BRD4: variants seen among roughly 807,000 people sequenced by gnomAD.
BRD4 encodes the protein bromodomain-containing protein 4.
Under a neutral mutation model 142.1 loss-of-function variants are expected in BRD4, and 16 were observed. The observed-to-expected ratio is 0.11, with a 90% CI of 0.08 to 0.17. BRD4 has a LOEUF of 0.17. BRD4 is among the 10% of genes least tolerant of loss of function. The probability of loss-of-function intolerance (pLI) is 1.00; values close to 1 mark genes in which losing one functional copy is unlikely to be tolerated. For missense variants in BRD4, 1,424 were observed against 1,810.9 expected, an observed-to-expected ratio of 0.79 and a Z score of 3.88; for synonymous variants, 833 against 707.5, an observed-to-expected ratio of 1.18 and a Z score of -2.82.
chr19:15,255,207 G>GGA (rs2047394569), intron 10 of BRD4, 90 bp downstream of exon 10: 1 of 1,281,216 alleles, frequency 7.8e-7, no homozygotes, highest in Middle Eastern at 2.4e-4. Flanking sequence ...AAAGGGGGGG[G>GGA]GCGCAGAAAG....
Position 15,239,457 on chromosome 19 carries a change from G to A in BRD4, c.3511C>T (p.Pro1171Ser). The A allele has an allele frequency of 6.2e-7, 1 of 1,614,158 alleles. No individual in the cohort carries two copies. Among genetic ancestry groups the A allele is most frequent in the Non-Finnish European group, 8.5e-7 (1 of 1,180,044 alleles). The change falls in exon 17 of 20, where the codon CCA (proline) becomes TCA (serine). Residue 1171 changes from proline to serine, a missense_variant. Pro to Ser is a moderately conservative substitution (Grantham distance 74). Around this residue, in one of 16 missense-constraint regions of BRD4, gnomAD observed 598 missense variants for 647.8 expected, o/e 0.92. Transcript: ENST00000679869. The surrounding 1 kb of genome is among the most constrained non-coding windows in gnomAD (Gnocchi z 7.4). ...VIRPPEQNAP[P>S]PGAPDKDKQK... ...TTGTCCTTGTCAGGGGCCCCTGGTG[G>A]CGGTGCGTTCTGCTCTGGGGGCCGG... is the stretch of plus-strand genomic sequence containing the variant.
At chr19:15,286,991 C>G (rs1037371490) in intron 1 of BRD4, among the ~76,000 whole-genome samples, 3 of 152,208 alleles carry the variant, frequency 2.0e-5, no homozygotes, top group Admixed American at 6.5e-5. Flanking sequence ...CACATTCAGG[C>G]TGGTTAGACC....
At chr19:15,258,743 GA>G (rs1481977829) in intron 7 of BRD4, among the ~76,000 whole-genome samples, 4 of 151,312 alleles carry the variant, frequency 2.6e-5, no homozygotes, top group African/African-American at 9.7e-5. Context: ...CTTGAGAACT[GA>G]GACCACCATG....
rs752202032 is a variant in BRD4 at position 15,238,481 on chromosome 19, A to C, written c.4021-36T>G. ...AAGGAAGGAGGGAGTCAGGAGGATG[A>C]CCTAGCCACCCTGCAGCTACAAGCC... On this transcript the variant is annotated intron_variant, in intron 19 of 19. Transcript: ENST00000679869. The surrounding 1 kb of genome is among the most constrained non-coding windows in gnomAD (Gnocchi z 7.2). The C allele has an allele frequency of 3.7e-6, 6 of 1,613,200 alleles. No individual in the cohort carries two copies. The African/African-American group carries it at 8.0e-5, about 22-fold the overall frequency.
chr19:15,280,096 T>G (rs889342886), intron 1 of BRD4, among the ~76,000 whole-genome samples: 1 of 152,264 alleles, frequency 6.6e-6, no homozygotes, highest in African/African-American at 2.4e-5. Context: ...TTCATCTGTA[T>G]TGGCTTAGTT....
chr19:15,306,917 C>T (rs769255195), intron 1 of BRD4, among the ~76,000 whole-genome samples: 4 of 152,096 alleles, frequency 2.6e-5, no homozygotes, highest in Non-Finnish European at 4.4e-5. Flanking sequence ...AGTGAGCACA[C>T]GCTGTTGGAA....
chr19:15,328,811 T>G (rs981123744), intron 1 of BRD4, among the ~76,000 whole-genome samples: 11 of 152,320 alleles, frequency 7.2e-5, no homozygotes, highest in Admixed American at 2.6e-4. Flanking sequence ...TTCGCTCTTA[T>G]TGACCAGACT....
At chr19:15,245,649 TG>T (rs1477569808) in intron 11 of BRD4, among the ~76,000 whole-genome samples, 1 of 152,138 alleles carries the variant, frequency 6.6e-6, no homozygotes, top group Non-Finnish European at 1.5e-5. Context: ...TTTTGCCAGT[TG>T]GATGTCCCCT....
In BRD4 at chr19:15,253,822, A is replaced by AC. The variant is rs1426195541; in HGVS notation, c.2158+329dup. The AC allele has an allele frequency of 2.0e-6, 3 of 1,535,534 alleles. No individual in the cohort carries two copies. The Admixed American group carries it at 5.2e-5, about 27-fold the overall frequency. ...CATCAAGGTCAACAGCACAGCCTGG[A>AC]CCCCCACGCCCACAGTCCTCATGGC... On this transcript the variant is annotated intron_variant, in intron 11 of 19. Coordinates refer to ENST00000679869, the MANE Select transcript of BRD4 (RefSeq NM_001379291.1).
At chr19:15,288,893 C>T (rs2047760396) in intron 1 of BRD4, among the ~76,000 whole-genome samples, 1 of 152,176 alleles carries the variant, frequency 6.6e-6, no homozygotes, top group Non-Finnish European at 1.5e-5. Flanking sequence ...GCACCGACTC[C>T]TCAGGCTTCC....
chr19:15,269,181 T>C, intron 2 of BRD4, 139 bp from the exon 3 acceptor site: 2 of 901,504 alleles, frequency 2.2e-6, no homozygotes, highest in Non-Finnish European at 3.3e-6. Context: ...CCTACTGGCA[T>C]CAGCAAGTGA....
chr19:15,266,628 C>G (rs2047536907), intron 4 of BRD4, among the ~76,000 whole-genome samples: 1 of 152,184 alleles, frequency 6.6e-6, no homozygotes. Context: ...CACAGGGTGA[C>G]ACGTGAGACT....
intron 2 of BRD4, among the ~76,000 whole-genome samples, chr19:15,269,957 G>A (rs1268580497): frequency 6.6e-6 from 1 of 152,234 alleles, no homozygotes; most frequent in African/African-American, 2.4e-5. Context: ...CAGGTGTGAG[G>A]ATCACAGAGG....
intron 1 of BRD4, among the ~76,000 whole-genome samples, chr19:15,323,052 A>G (rs1469282293): frequency 2.0e-5 from 3 of 151,252 alleles, no homozygotes; most frequent in African/African-American, 7.3e-5. Flanking sequence ...TCTGCCTCAA[A>G]CAAACAAACA....
chr19:15,310,168 T>C (rs904713739), intron 1 of BRD4, among the ~76,000 whole-genome samples: 3 of 150,062 alleles, frequency 2.0e-5, no homozygotes, highest in African/African-American at 7.4e-5. Context: ...ATGAGTCCCC[T>C]GGGAGCTGAT....
At chr19:15,268,653 C>G (rs1173160806) in intron 3 of BRD4, among the ~76,000 whole-genome samples, 1 of 152,174 alleles carries the variant, frequency 6.6e-6, no homozygotes, top group African/African-American at 2.4e-5. Flanking sequence ...GCACCAGAAG[C>G]ACATGCTTCA....
chr19:15,248,947 A>C, intron 11 of BRD4: 1 of 462,826 alleles, frequency 2.2e-6, no homozygotes, highest in East Asian at 3.6e-5. Context: ...GCACCACATG[A>C]ATGCATGTGT....
intron 1 of BRD4, among the ~76,000 whole-genome samples, chr19:15,280,080 G>A (rs1256537471): frequency 1.3e-5 from 2 of 152,196 alleles, no homozygotes; most frequent in Non-Finnish European, 2.9e-5. Flanking sequence ...TGCTGTTATC[G>A]AGCACTTCAT....
rs577262137 is a variant in BRD4 at position 15,312,477 on chromosome 19, A to C, written c.-35+19813T>G. Among the ~76,000 whole-genome samples, 4 of 152,150 alleles carry C rather than the reference A, an allele frequency of 2.6e-5. No individual in the cohort carries two copies. In the East Asian group the frequency reaches 7.7e-4, roughly 29 times the overall value. ...GAAACCCCGTCTCTACTAAAAATAC[A>C]AAAAATTAGCTGGGCGTGGTGGTGT... On this transcript the variant is annotated intron_variant, in intron 1 of 19. Transcript: ENST00000679869.
Sources: allele counts gnomAD v4.1 joint callset (sites outside exome capture counted in the v4.1 genomes callset), GRCh38; gene constraint gnomAD v4.1.1; regional missense constraint gnomAD v4.1.1; non-coding constraint Gnocchi (gnomAD v3.1); transcripts MANE v1.5; gene names NCBI Gene and HGNC (gene_info 2026-07-23, HGNC 2026-07-21).